Variants in KCNK2 observed in about 807,000 individuals in gnomAD.
KCNK2 encodes the protein potassium channel subfamily K member 2.
A neutral mutation model predicts 40.5 loss-of-function variants in KCNK2; 21 were observed. The ratio of observed to expected loss-of-function variants is 0.52; its 90% confidence interval spans 0.37 to 0.75. The LOEUF (loss-of-function observed/expected upper bound fraction) is 0.75, where lower values mean the gene tolerates loss of function less well. KCNK2 is among the 30% of genes least tolerant of loss of function. The pLI is 0.00. For synonymous variants in KCNK2, 191 were observed against 202.2 expected, an observed-to-expected ratio of 0.94 and a Z score of 0.47; for missense variants, 399 against 531.6, an observed-to-expected ratio of 0.75 and a Z score of 2.45.
chr1:215,023,327 C>G (rs1656876548), intron 1 of KCNK2, among the ~76,000 whole-genome samples: 1 of 152,202 alleles, frequency 6.6e-6, no homozygotes, highest in South Asian at 2.1e-4. Flanking sequence ...TTCCTGTGCA[C>G]TCTTCTTGAC....
At chr1:215,221,276 A>G (rs1349384677) in intron 6 of KCNK2, among the ~76,000 whole-genome samples, 1 of 152,096 alleles carries the variant, frequency 6.6e-6, no homozygotes, top group East Asian at 1.9e-4. Flanking sequence ...CAGGAGGCTG[A>G]GGCAGGAGAG....
intron 1 of KCNK2, among the ~76,000 whole-genome samples, chr1:215,024,296 G>C (rs1656921630): frequency 6.6e-6 from 1 of 152,204 alleles, no homozygotes; most frequent in African/African-American, 2.4e-5. Flanking sequence ...TTGCAGGCTG[G>C]AGCCAAGCCT....
rs534289329 is a variant in KCNK2, at chr1:215,015,908, A to G, written c.34+9953A>G. 3.9e-5 allele frequency among the ~76,000 whole-genome samples: 6 copies of G among 152,310 alleles called. 1 individual carries two copies. Among genetic ancestry groups the G allele is most frequent in the Admixed American group, 3.3e-4 (5 of 15,296 alleles). Reference sequence around the variant, plus strand: ...GATCATGAGCTTGGTCTCTGTCTCAATTGGAAACCTCTCCATTAAGTAAAA... The same window carrying G: ...GATCATGAGCTTGGTCTCTGTCTCAGTTGGAAACCTCTCCATTAAGTAAAA... On this transcript the variant is annotated intron_variant, in intron 1 of 6. Coordinates refer to the KCNK2 transcript ENST00000391895.
At chr1:215,099,595 C>A (rs1442687580) in intron 2 of KCNK2, among the ~76,000 whole-genome samples, 2 of 151,654 alleles carry the variant, frequency 1.3e-5, no homozygotes, top group East Asian at 1.9e-4. Flanking sequence ...TTTGGTGATG[C>A]GGCAGTGAAG....
chr1:215,231,201 A>C (rs1489749211), intron 6 of KCNK2, among the ~76,000 whole-genome samples: 2 of 152,236 alleles, frequency 1.3e-5, no homozygotes, highest in African/African-American at 4.8e-5. Context: ...TGATAAAAAC[A>C]TTTAAAATAC....
chr1:215,083,155 G>A lies in KCNK2; in HGVS notation c.-231G>A. On this transcript the variant is annotated 5_prime_UTR_variant, in exon 1 of 7. Transcript: ENST00000444842. ...CGCCTCGCCCTCTGCCCAGCCCGCCGGTGTCCCCTCCTTCCCGCGATTTCG... is the reference window on the plus strand; with the variant it reads ...CGCCTCGCCCTCTGCCCAGCCCGCCAGTGTCCCCTCCTTCCCGCGATTTCG... The A allele has an allele frequency of 2.2e-6, 2 of 924,012 alleles. No individual in the cohort carries two copies. Among genetic ancestry groups the A allele is most frequent in the East Asian group, 2.6e-5 (1 of 38,858 alleles). 57.2% of individuals were successfully genotyped at this position (924,012 alleles called of 1,614,324 possible). A position where few individuals can be genotyped will look rare whatever the true frequency, so the allele number is the denominator to read the frequency against.
At chr1:215,021,997 G>A (rs1656813396) in intron 1 of KCNK2, among the ~76,000 whole-genome samples, 1 of 151,998 alleles carries the variant, frequency 6.6e-6, no homozygotes. Flanking sequence ...AGGCATTTTG[G>A]CTCAACTGTA....
chr1:215,084,713 T>C (rs1483016999), intron 1 of KCNK2, among the ~76,000 whole-genome samples: 1 of 152,208 alleles, frequency 6.6e-6, no homozygotes, highest in Non-Finnish European at 1.5e-5. Flanking sequence ...AACAGGTGAA[T>C]GTATCAGGAG....
At chr1:215,118,580 T>C (rs1276733290) in intron 2 of KCNK2, among the ~76,000 whole-genome samples, 1 of 152,118 alleles carries the variant, frequency 6.6e-6, no homozygotes, top group Non-Finnish European at 1.5e-5. Context: ...TAAAAATCTA[T>C]AATTGCAACT....
At chr1:215,234,643 A>G (rs1666804201) in intron 6 of KCNK2, among the ~76,000 whole-genome samples, 185 bp from the exon 7 acceptor site, 1 of 152,212 alleles carries the variant, frequency 6.6e-6, no homozygotes, top group Non-Finnish European at 1.5e-5. Context: ...AGCTATATCT[A>G]TATAAGATAG....
intron 6 of KCNK2, among the ~76,000 whole-genome samples, chr1:215,229,146 C>G (rs923204221): frequency 4.0e-5 from 6 of 151,180 alleles, no homozygotes; most frequent in Non-Finnish European, 5.9e-5. Flanking sequence ...TCTAATGTGG[C>G]CCAGGGAAGT....
chr1:215,231,354 T>C (rs1666657005), intron 6 of KCNK2, among the ~76,000 whole-genome samples: 1 of 152,126 alleles, frequency 6.6e-6, no homozygotes, highest in Non-Finnish European at 1.5e-5. Flanking sequence ...CAATAAATAT[T>C]ATGCAATAAA....
chr1:215,060,744 A>G (rs1248722822), intron 1 of KCNK2, among the ~76,000 whole-genome samples: 1 of 152,220 alleles, frequency 6.6e-6, no homozygotes, highest in East Asian at 1.9e-4. Flanking sequence ...TTCATTGAAT[A>G]TAAATTACCT....
intron 1 of KCNK2, among the ~76,000 whole-genome samples, chr1:215,010,866 T>TG (rs1396386615): frequency 4.1e-4 from 58 of 142,786 alleles, no homozygotes; most frequent in Non-Finnish European, 8.2e-4. Context: ...TTTTTTTTTT[T>TG]TTTGTGTGTG....
chr1:215,073,820 C>T (rs1176312046), intron 1 of KCNK2, among the ~76,000 whole-genome samples: 1 of 152,086 alleles, frequency 6.6e-6, no homozygotes, highest in Non-Finnish European at 1.5e-5. Flanking sequence ...ATGGTAAGCC[C>T]TTGATAGATG....
chr1:215,210,036 TATATATA>T lies in KCNK2; in HGVS notation c.963+14952_963+14958del, dbSNP rs1665665936. On this transcript the variant is annotated intron_variant, in intron 6 of 6. Transcript: ENST00000444842. ...AATATATAATATATATTATATATAA[TATATATA>T]ATATATATATACACACACTATACAA... Among the ~76,000 whole-genome samples, 8 of 33,492 alleles carry T rather than the reference TATATATA, an allele frequency of 2.4e-4. No homozygotes were observed. In the South Asian group the frequency reaches 4.8e-3, roughly 20 times the overall value. 22.0% of individuals were successfully genotyped at this position (33,492 alleles called of 152,430 possible).
chr1:215,065,605 T>C (rs994265963), intron 1 of KCNK2, among the ~76,000 whole-genome samples: 3 of 152,162 alleles, frequency 2.0e-5, no homozygotes, highest in South Asian at 2.1e-4. Context: ...AGGAACCACA[T>C]GGTAAAAGGG....
intron 3 of KCNK2, among the ~76,000 whole-genome samples, chr1:215,145,900 T>G (rs868436473): frequency 2.0e-5 from 3 of 152,122 alleles, no homozygotes; most frequent in African/African-American, 4.8e-5. Flanking sequence ...TCTTCTCCTC[T>G]TGGAATAAGA....
rs1666774334 is a variant in KCNK2, at chr1:215,233,962, A to G, written c.964-866A>G. ...GATCGATGGCACTTTTTTTTCTTTA[A>G]TTCTCAAAAGATAACTACATAATAA... On this transcript the variant is annotated intron_variant, in intron 6 of 6. Transcript: ENST00000444842. 6.6e-5 allele frequency among the ~76,000 whole-genome samples: 10 copies of G among 152,274 alleles called. No homozygotes were observed. The South Asian group carries it at 2.1e-3, about 32-fold the overall frequency.
Sources: allele counts gnomAD v4.1 joint callset (sites outside exome capture counted in the v4.1 genomes callset), GRCh38; gene constraint gnomAD v4.1.1; transcripts MANE v1.5; gene names NCBI Gene and HGNC (gene_info 2026-07-23, HGNC 2026-07-21).